ADCK2: variants seen among roughly 807,000 people sequenced by gnomAD.
ADCK2 encodes the protein uncharacterized aarF domain-containing protein kinase 2.
In ADCK2, 37 loss-of-function variants were observed where a neutral mutation model predicts 52.3. The observed-to-expected ratio is 0.71, with a 90% CI of 0.54 to 0.93. The LOEUF (loss-of-function observed/expected upper bound fraction) is 0.93, where lower values mean the gene tolerates loss of function less well. Among genes scored for constraint, ADCK2 ranks in the 40% least tolerant of loss-of-function variants. ADCK2 has a pLI of 0.00. For missense variants in ADCK2, 695 were observed against 798.7 expected (o/e 0.87, Z 1.56); for synonymous variants, 321 against 349.2 (o/e 0.92, Z 0.90).
rs369891942 is a variant in ADCK2, at chr7:140,687,025, C to G, written c.1341C>G (p.His447Gln). The change falls in exon 5 of 8, where the codon CAC (histidine) becomes CAG (glutamine). Residue 447 changes from histidine to glutamine, a missense_variant. Physicochemically the swap from His to Gln is conservative, Grantham distance 24. Coordinates refer to ENST00000072869, the MANE Select transcript of ADCK2 (RefSeq NM_052853.4). ...FVDNFVHADL[H>Q]PGNILVQGAN... ...ATAACTTTGTCCATGCAGACCTTCACCCTGGAAACATCCTGGTTCAGGGTG... is the reference window on the plus strand; with the variant it reads ...ATAACTTTGTCCATGCAGACCTTCAGCCTGGAAACATCCTGGTTCAGGGTG... 1 of 1,614,034 alleles carries G rather than the reference C, an allele frequency of 6.2e-7. No individual in the cohort carries two copies. The highest frequency in any genetic ancestry group is 1.3e-5 in the African/African-American group (1 of 74,928).
chr7:140,674,824 T>C lies in ADCK2; in HGVS notation c.1080+67T>C. On this transcript the variant is annotated intron_variant, in intron 2 of 7. Transcript: ENST00000072869. The surrounding 1 kb of genome is among the most constrained non-coding windows in gnomAD (Gnocchi z 4.6). ...GTTCTTGCCATTAGCTGCTACTTAG[T>C]AAATGTTGAATGAATAATTTTCTGG... 1 of 1,526,246 alleles carries C rather than the reference T, an allele frequency of 6.6e-7. No individual in the cohort carries two copies. The highest frequency in any genetic ancestry group is 8.9e-7 in the Non-Finnish European group (1 of 1,123,060). 94.5% of individuals were successfully genotyped at this position (1,526,246 alleles called of 1,614,324 possible). A position where few individuals can be genotyped will look rare whatever the true frequency, so the allele number is the denominator to read the frequency against.
At position 140,673,619 on chromosome 7, in the gene ADCK2, C is replaced by T. The variant is rs754460419; in HGVS notation, c.289C>T (p.Leu97Phe). ...ACCTCTGGGCGGCGTCTTCCTGCATCTCCGCCTCTGGCTTCGCGCCGGCGC... is the reference window on the plus strand; with the variant it reads ...ACCTCTGGGCGGCGTCTTCCTGCATTTCCGCCTCTGGCTTCGCGCCGGCGC... ...AGPLGGVFLHLRLWLRAGALL... is the reference protein window; with the variant it reads ...AGPLGGVFLHFRLWLRAGALL... Residue 97 changes from leucine (L) to phenylalanine (F), a missense_variant, in exon 1 of 8, where the codon CTC (leucine) becomes TTC (phenylalanine). Leu to Phe is a conservative substitution (Grantham distance 22). Transcript: ENST00000072869. This position sits in a 1 kb window ranked among gnomAD's most constrained non-coding sequence, Gnocchi z 6.4. 10 of 1,609,358 alleles carry T rather than the reference C, an allele frequency of 6.2e-6. No homozygotes were observed. The highest frequency in any genetic ancestry group is 2.7e-5 in the African/African-American group (2 of 75,068).
intron 2 of ADCK2, 48 bp from the exon 3 acceptor site, chr7:140,679,107 T>C: frequency 6.2e-7 from 1 of 1,604,162 alleles, no homozygotes. Flanking sequence ...GATGTCACTG[T>C]GCCTGTACCC....
At position 140,674,510 on chromosome 7, in the gene ADCK2, A is replaced by C; in HGVS notation, c.934-101A>C. 3.5e-6 allele frequency: 5 copies of C among 1,424,082 alleles called. No homozygotes were observed. The highest frequency in any genetic ancestry group is 4.7e-6 in the Non-Finnish European group (5 of 1,061,570). The allele number at this position is 1,424,082 out of a possible 1,614,324, so 88.2% of individuals were successfully genotyped here. A position where few individuals can be genotyped will look rare whatever the true frequency, so the allele number is the denominator to read the frequency against. The stretch of plus-strand genomic sequence containing the variant: ...GGGACCACATCCTCTTTTCTTTGAT[A>C]AGAAGCCACCTGGCTCTTGCTTGGA... On this transcript the variant is annotated intron_variant, in intron 1 of 7. Transcript: ENST00000072869. This position sits in a 1 kb window ranked among gnomAD's most constrained non-coding sequence, Gnocchi z 4.6.
intron 7 of ADCK2, among the ~76,000 whole-genome samples, chr7:140,691,903 C>T (rs142436395): frequency 6.6e-6 from 1 of 152,342 alleles, no homozygotes; most frequent in African/African-American, 2.4e-5. Context: ...CATCTGCTCC[C>T]CACACAGTTT....
intron 3 of ADCK2, 86 bp from the exon 4 acceptor site, chr7:140,680,956 G>C: frequency 8.5e-7 from 1 of 1,183,066 alleles, no homozygotes; most frequent in South Asian, 1.2e-5. Flanking sequence ...TAAGTGAGAA[G>C]ACAGCGCTGT....
intron 5 of ADCK2, 109 bp from the exon 6 acceptor site, chr7:140,689,488 G>GATGCC: frequency 7.3e-7 from 1 of 1,370,724 alleles, no homozygotes; most frequent in Non-Finnish European, 9.9e-7. Context: ...CCAAAAGCAA[G>GATGCC]ATGCCAGAAA....
Position 140,690,581 on chromosome 7 carries a change from C to T in ADCK2, c.1687-179C>T, listed in dbSNP as rs1169177263. ...GACCGAGTCTTGAGGTGGAGTTGGG[C>T]TTGTGCTGGAGGAGTCCTTTCAGAG... is the stretch of plus-strand genomic sequence containing the variant. On this transcript the variant is annotated intron_variant, in intron 6 of 7. Coordinates refer to ENST00000072869, the MANE Select transcript of ADCK2 (RefSeq NM_052853.4). Among the ~76,000 whole-genome samples, 7 of 151,020 alleles carry T rather than the reference C, an allele frequency of 4.6e-5. No individual in the cohort carries two copies. In the Admixed American group the frequency reaches 4.6e-4, roughly 10 times the overall value.
rs1186345007 is a variant in ADCK2, at chr7:140,695,054, C to T, written c.*251C>T. ...GAAGCTGGGCCAGGTGCCAGGGACA[C>T]TCTCCTTCAGGGAAAATGTTATGTG... On this transcript the variant is annotated 3_prime_UTR_variant, in exon 8 of 8. Coordinates refer to ENST00000072869, the MANE Select transcript of ADCK2 (RefSeq NM_052853.4). 1 of 1,233,424 alleles carries T rather than the reference C, an allele frequency of 8.1e-7. No individual in the cohort carries two copies. Among genetic ancestry groups the T allele is most frequent in the East Asian group, 3.4e-5 (1 of 29,622 alleles). 76.4% of individuals were successfully genotyped at this position (1,233,424 alleles called of 1,614,324 possible). A position where few individuals can be genotyped will look rare whatever the true frequency, so the allele number is the denominator to read the frequency against.
chr7:140,694,189 C>G (rs189662650), intron 7 of ADCK2, among the ~76,000 whole-genome samples: 2 of 152,212 alleles, frequency 1.3e-5, no homozygotes, highest in Admixed American at 1.3e-4. Context: ...GAGGCTGAGG[C>G]AGAAGGATCC....
At chr7:140,690,644 T>C in intron 6 of ADCK2, 116 bp from the exon 7 acceptor site, 1 of 866,926 alleles carries the variant, frequency 1.2e-6, no homozygotes, top group Middle Eastern at 3.0e-4. Context: ...CTGGTGTATG[T>C]GTGCCCTGGC....
At chr7:140,675,452 A>G (rs916480610) in intron 2 of ADCK2, among the ~76,000 whole-genome samples, 2 of 152,098 alleles carry the variant, frequency 1.3e-5, no homozygotes, top group Non-Finnish European at 2.9e-5. Flanking sequence ...CAAGAGAGGG[A>G]GCTCTACTCC....
At chr7:140,687,915 G>T (rs1379407486) in intron 5 of ADCK2, among the ~76,000 whole-genome samples, 1 of 150,332 alleles carries the variant, frequency 6.7e-6, no homozygotes, top group East Asian at 2.0e-4. Context: ...AATTAATGGA[G>T]ATGGGTTTTG....
At chr7:140,694,601 C>G in intron 7 of ADCK2, 62 bp from the exon 8 acceptor site, 2 of 1,521,678 alleles carry the variant, frequency 1.3e-6, no homozygotes, top group South Asian at 1.2e-5. Context: ...AGGTGATTAT[C>G]CAGAACACAC....
In ADCK2 at chr7:140,674,118, C is replaced by T. The variant is rs1206274193; in HGVS notation, c.788C>T (p.Pro263Leu). The change falls in exon 1 of 8, where the codon CCT becomes CTT. Residue 263 changes from proline to leucine, a missense_variant. Physicochemically the swap from Pro to Leu is moderately conservative, Grantham distance 98 (BLOSUM62 -3). Transcript: ENST00000072869. The surrounding 1 kb of genome is among the most constrained non-coding windows in gnomAD (Gnocchi z 4.6). ...GGATACCTTGGAAATGGCCGGAAAC[C>T]TCCAGAAAATCTCGCAGACCAGTCG... ...LFGYLGNGRKPPENLADQSFL... is the reference protein window; with the variant it reads ...LFGYLGNGRKLPENLADQSFL... The T allele has an allele frequency of 6.2e-7, 1 of 1,614,126 alleles. No individual in the cohort carries two copies. The highest frequency in any genetic ancestry group is 1.1e-5 in the South Asian group (1 of 91,078).
chr7:140,691,536 C>T (rs1336754603), intron 7 of ADCK2, among the ~76,000 whole-genome samples: 2 of 152,154 alleles, frequency 1.3e-5, no homozygotes, highest in East Asian at 1.9e-4. Context: ...CCTAGCGGGA[C>T]TGCTGTGGCC....
At chr7:140,681,381 G>A (rs1404851811) in intron 4 of ADCK2, among the ~76,000 whole-genome samples, 3 of 151,620 alleles carry the variant, frequency 2.0e-5, no homozygotes, top group African/African-American at 7.3e-5. Context: ...GCGGTGGCGT[G>A]ATCTCGGCTC....
rs536657010 is a variant in ADCK2, at chr7:140,682,910, G to A, written c.1305+1773G>A. Among the ~76,000 whole-genome samples, 54 of 150,338 alleles carry A rather than the reference G, an allele frequency of 3.6e-4. No homozygotes were observed. In the South Asian group the frequency reaches 0.011, roughly 31 times the overall value. ...TCCCAGCTACCTGGGAGGCTGAGGT[G>A]GGATCACCTGAGCCCAGGAGATGGA... On this transcript the variant is annotated intron_variant, in intron 4 of 7. Coordinates refer to ENST00000072869, the MANE Select transcript of ADCK2 (RefSeq NM_052853.4).
rs1215764326 is a variant in ADCK2, at chr7:140,674,624, G to A, written c.947G>A (p.Gly316Asp). ...ISVAVKVLHPGLLAQVHMDLL... is the reference protein window; with the variant it reads ...ISVAVKVLHPDLLAQVHMDLL... Reference sequence around the variant, plus strand: ...TCTTTCTGACAGGTGTTGCACCCTGGCCTGCTCGCTCAGGTGCATATGGAC... The same window carrying A: ...TCTTTCTGACAGGTGTTGCACCCTGACCTGCTCGCTCAGGTGCATATGGAC... Residue 316 changes from glycine (G) to aspartate (D), a missense_variant, in exon 2 of 8, where the codon GGC (glycine) becomes GAC (aspartate). By Grantham distance (94) the Gly-to-Asp change is moderately conservative. Coordinates refer to ENST00000072869, the MANE Select transcript of ADCK2 (RefSeq NM_052853.4). The surrounding 1 kb of genome is among the most constrained non-coding windows in gnomAD (Gnocchi z 4.6). 1 of 1,613,504 alleles carries A rather than the reference G, an allele frequency of 6.2e-7. No homozygotes were observed. The highest frequency in any genetic ancestry group is 1.7e-5 in the Admixed American group (1 of 59,980).
Sources: gnomAD v4.1 joint callset for allele counts (sites outside exome capture counted in the v4.1 genomes callset) on GRCh38, gnomAD v4.1.1 for gene constraint, Gnocchi (gnomAD v3.1) non-coding constraint, MANE v1.5 for transcripts, NCBI Gene and HGNC (gene_info 2026-07-23, HGNC 2026-07-21) for gene names.